Variants in MLLT6 observed in about 807,000 individuals in gnomAD.
MLLT6 encodes MLLT6, PHD finger containing, also known as protein AF-17.
Under a neutral mutation model 103.0 loss-of-function variants are expected in MLLT6, and 22 were observed. That is an observed-to-expected ratio of 0.21 (90% CI 0.15 to 0.31). MLLT6 has a LOEUF of 0.31. MLLT6 is among the 10% of genes least tolerant of loss of function. The pLI is 1.00. For synonymous variants in MLLT6, 606 were observed against 623.5 expected, an observed-to-expected ratio of 0.97 and a Z score of 0.42; for missense variants, 1,199 against 1,441.7, an observed-to-expected ratio of 0.83 and a Z score of 2.73.
At chr17:38,719,415 A>G in intron 12 of MLLT6, 102 bp from the exon 13 acceptor site, 1 of 1,034,734 alleles carries the variant, frequency 9.7e-7, no homozygotes, top group Non-Finnish European at 1.5e-6. Flanking sequence ...TCCTGGGGAA[A>G]GGGATCTGCG....
Position 38,716,486 on chromosome 17 carries a change from C to T in MLLT6, c.1156C>T (p.Pro386Ser). 6.2e-7 allele frequency: 1 copy of T among 1,614,204 alleles called. No individual in the cohort carries two copies. Among genetic ancestry groups the T allele is most frequent in the South Asian group, 1.1e-5 (1 of 91,086 alleles). ...TTCAGCCCCTCCTTCTCCCTCAGCTCCCGAGCCCCCCAAGGCTGACCTTTT... is the reference window on the plus strand; with the variant it reads ...TTCAGCCCCTCCTTCTCCCTCAGCTTCCGAGCCCCCCAAGGCTGACCTTTT... ...APSAPPSPSA[P>S]EPPKADLFEQ... The change falls in exon 10 of 20, where the codon CCC becomes TCC. Residue 386 changes from proline (P) to serine (S), a missense_variant. By Grantham distance (74) the Pro-to-Ser change is moderately conservative. Around this residue, in one of 7 missense-constraint regions of MLLT6, gnomAD observed 1,034 missense variants for 1,091.5 expected, o/e 0.95. Coordinates refer to ENST00000621332, the MANE Select transcript of MLLT6 (RefSeq NM_005937.4). The surrounding 1 kb of genome is among the most constrained non-coding windows in gnomAD (Gnocchi z 5.6).
Position 38,707,880 on chromosome 17 carries a change from G to C in MLLT6, c.354+8G>C, listed in dbSNP as rs113618401. The C allele has an allele frequency of 3.2e-6, 5 of 1,562,542 alleles. No individual in the cohort carries two copies. In the African/African-American group the frequency reaches 6.7e-5, roughly 21 times the overall value. ...CATGATCGCTTCAACAAGGTCAGCG[G>C]CCCCCCGCCGTGTCCCCTACCAGTT... On this transcript the variant is annotated splice_region_variant and intron_variant, in intron 4 of 19. Coordinates refer to ENST00000621332, the MANE Select transcript of MLLT6 (RefSeq NM_005937.4).
chr17:38,726,002 C>T lies in MLLT6; in HGVS notation c.*404C>T. Reference sequence around the variant, plus strand: ...GTGGAGGGAGAGGCCCTGGGCCTGTCCCTGCGGGGAAATCTTTTATGGAAG... The same window carrying T: ...GTGGAGGGAGAGGCCCTGGGCCTGTTCCTGCGGGGAAATCTTTTATGGAAG... On this transcript the variant is annotated 3_prime_UTR_variant, in exon 20 of 20. Transcript: ENST00000621332. 1 of 264,268 alleles carries T rather than the reference C, an allele frequency of 3.8e-6. No homozygotes were observed. The highest frequency in any genetic ancestry group is 7.2e-6 in the Non-Finnish European group (1 of 139,402). 16.4% of individuals were successfully genotyped at this position (264,268 alleles called of 1,614,324 possible). A position where few individuals can be genotyped will look rare whatever the true frequency, so the allele number is the denominator to read the frequency against.
chr17:38,721,471 A>G lies in MLLT6; in HGVS notation c.2443-407A>G, dbSNP rs116308848. 3.8e-3 allele frequency among the ~76,000 whole-genome samples: 581 copies of G among 152,320 alleles called. 1 individual carries two copies. Among genetic ancestry groups the G allele is most frequent in the African/African-American group, 0.014 (565 of 41,560 alleles). The stretch of plus-strand genomic sequence containing the variant: ...TCACCCAAGCCATTGGATTGTGGAC[A>G]TAGGATTTGAACCTGAGCCTTTCAC... On this transcript the variant is annotated intron_variant, in intron 16 of 19. Coordinates refer to ENST00000621332, the MANE Select transcript of MLLT6 (RefSeq NM_005937.4).
In MLLT6 at chr17:38,720,527, G is replaced by A. The variant is rs1488664197; in HGVS notation, c.2311G>A (p.Ala771Thr). Residue 771 changes from alanine to threonine, a missense_variant, in exon 15 of 20, where the codon GCC becomes ACC. Coordinates refer to ENST00000621332, the MANE Select transcript of MLLT6 (RefSeq NM_005937.4). ...FPALPAALPA[A>T]NGPVPGPYGL... ...TGCCCTGCCTGCTGCCCTGCCTGCC[G>A]CCAACGGCCCTGTCCCTGGGCCCTA... The A allele has an allele frequency of 1.9e-6, 3 of 1,611,852 alleles. No individual in the cohort carries two copies. Among genetic ancestry groups the A allele is most frequent in the Non-Finnish European group, 2.5e-6 (3 of 1,179,436 alleles).
In MLLT6 at chr17:38,716,431, C is replaced by T; in HGVS notation, c.1101C>T (p.Asp367=). Residue 367 remains aspartate (D), a synonymous_variant, in exon 10 of 20, where the codon GAC becomes GAT. Transcript: ENST00000621332. The surrounding 1 kb of genome is among the most constrained non-coding windows in gnomAD (Gnocchi z 5.6). ...CCAAGCTGGAGCAGCCAGAGGAGGA[C>T]AAGTACTCCAAGCCCACAGCCCCCG... ...AFPKLEQPEE[D]KYSKPTAPAP... 3.1e-6 allele frequency: 5 copies of T among 1,613,846 alleles called. No individual in the cohort carries two copies. The highest frequency in any genetic ancestry group is 3.4e-6 in the Non-Finnish European group (4 of 1,179,898).
In MLLT6 at chr17:38,715,736, T is replaced by C. The variant is rs375957623; in HGVS notation, c.944T>C (p.Leu315Pro). The C allele has an allele frequency of 9.9e-6, 16 of 1,614,004 alleles. No homozygotes were observed. The African/African-American group carries it at 2.0e-4, about 20-fold the overall frequency. ...AGCCTGAGTCATAAAGGGAAGAAAC[T>C]GAGCAGTGGGAAAGGTGTGAGCAGT... is the stretch of plus-strand genomic sequence containing the variant. ...SHSLSHKGKK[L>P]SSGKGVSSFT... The change falls in exon 9 of 20, where the codon CTG becomes CCG. Residue 315 changes from leucine to proline, a missense_variant. This residue lies in a region of MLLT6 where 1,034 missense variants were observed against 1,091.5 expected (regional missense o/e 0.95). Transcript: ENST00000621332.
chr17:38,711,115 A>T (rs1332699286), intron 6 of MLLT6, among the ~76,000 whole-genome samples: 2 of 152,122 alleles, frequency 1.3e-5, no homozygotes, highest in Non-Finnish European at 2.9e-5. Flanking sequence ...ATAAGGCCTG[A>T]AATTAGCCCT....
Position 38,726,613 on chromosome 17 carries a change from C to T in MLLT6, c.*1015C>T, listed in dbSNP as rs911093496. Reference sequence around the variant, plus strand: ...TTGGAGAGTCGCTGGGGGCACAGGGCTTTGAATCAGGGTAGTATCCTGCCT... The same window carrying T: ...TTGGAGAGTCGCTGGGGGCACAGGGTTTTGAATCAGGGTAGTATCCTGCCT... On this transcript the variant is annotated 3_prime_UTR_variant, in exon 20 of 20. Transcript: ENST00000621332. 9.4e-5 allele frequency: 22 copies of T among 233,658 alleles called. No homozygotes were observed. The highest frequency in any genetic ancestry group is 1.7e-5 in the Non-Finnish European group (2 of 118,118). The allele number at this position is 233,658 out of a possible 1,614,324, so 14.5% of individuals were successfully genotyped here. A position where few individuals can be genotyped will look rare whatever the true frequency, so the allele number is the denominator to read the frequency against.
chr17:38,707,207 T>C (rs559617077), intron 2 of MLLT6, among the ~76,000 whole-genome samples, 178 bp downstream of exon 2: 68 of 152,326 alleles, frequency 4.5e-4, no homozygotes, highest in Non-Finnish European at 9.0e-4. Context: ...CATCCCTCCC[T>C]CTGCCCCACC....
At chr17:38,711,120 A>T (rs1905128467) in intron 6 of MLLT6, among the ~76,000 whole-genome samples, 1 of 152,128 alleles carries the variant, frequency 6.6e-6, no homozygotes, top group South Asian at 2.1e-4. Context: ...GCCTGAAATT[A>T]GCCCTTGGGT....
chr17:38,720,011 A>C, intron 14 of MLLT6, 116 bp downstream of exon 14: 1 of 1,353,896 alleles, frequency 7.4e-7, no homozygotes. Flanking sequence ...CCCAGCCTTG[A>C]CTCTCGGCCA....
intron 8 of MLLT6, 69 bp from the exon 9 acceptor site, chr17:38,715,543 C>T: frequency 6.6e-7 from 1 of 1,510,436 alleles, no homozygotes; most frequent in Non-Finnish European, 8.8e-7. Context: ...CCTCCTGCTT[C>T]ACTCCCACAT....
chr17:38,719,549 C>T lies in MLLT6; in HGVS notation c.1975C>T (p.Arg659Trp), dbSNP rs367958394. 13 of 1,611,460 alleles carry T rather than the reference C, an allele frequency of 8.1e-6. No homozygotes were observed. The East Asian group carries it at 8.9e-5, about 11-fold the overall frequency. Residue 659 changes from arginine to tryptophan, a missense_variant, in exon 13 of 20, where the codon CGG (arginine) becomes TGG (tryptophan). Around this residue, in one of 7 missense-constraint regions of MLLT6, gnomAD observed 1,034 missense variants for 1,091.5 expected, o/e 0.95. Coordinates refer to ENST00000621332, the MANE Select transcript of MLLT6 (RefSeq NM_005937.4). ...PDLEDCSFRC[R>W]GTSPQESLSS... ...CCTGGAGGACTGCAGCTTCCGGTGT[C>T]GGGGGACCTCCCCTCAGGAGAGTCT...
At chr17:38,722,835 T>C in intron 18 of MLLT6, 67 bp downstream of exon 18, 1 of 1,212,164 alleles carries the variant, frequency 8.2e-7, no homozygotes, top group South Asian at 1.2e-5. Context: ...TCTCAGAGGA[T>C]CAGGGCCAGC....
At chr17:38,707,933 C>T (rs1905001088) in intron 4 of MLLT6, 61 bp downstream of exon 4, 4 of 1,029,400 alleles carry the variant, frequency 3.9e-6, no homozygotes, top group Admixed American at 1.9e-5. Context: ...TCCTCCAACG[C>T]TCTCTTCATC....
intron 4 of MLLT6, chr17:38,708,966 A>G (rs940396092): frequency 3.6e-6 from 2 of 550,342 alleles, no homozygotes; most frequent in Non-Finnish European, 6.4e-6. Context: ...CACGCTAGCC[A>G]TAGTTCAAGT....
At chr17:38,707,078 T>C (rs1251605502) in intron 2 of MLLT6, 49 bp downstream of exon 2, 7 of 1,525,074 alleles carry the variant, frequency 4.6e-6, no homozygotes, top group African/African-American at 2.7e-5. Context: ...CCCACACACC[T>C]GAGCGTCTCA....
chr17:38,713,266 TC>T (rs1905208508), intron 8 of MLLT6: 3 of 427,884 alleles, frequency 7.0e-6, no homozygotes, highest in African/African-American at 6.0e-5. Context: ...CTGGACAGTA[TC>T]CCGAAACTCC....
Sources: gnomAD v4.1 joint callset for allele counts (sites outside exome capture counted in the v4.1 genomes callset) on GRCh38, gnomAD v4.1.1 for gene constraint, gnomAD v4.1.1 regional missense constraint, Gnocchi (gnomAD v3.1) non-coding constraint, MANE v1.5 for transcripts, NCBI Gene and HGNC (gene_info 2026-07-23, HGNC 2026-07-21) for gene names.